Variants in C10orf67 observed in about 807,000 individuals in gnomAD.
C10orf67 encodes chromosome 10 open reading frame 67.
A neutral mutation model predicts 35.6 loss-of-function variants in C10orf67; 60 were observed. The observed-to-expected ratio is 1.68, with a 90% confidence interval of 1.37 to 2.09. The LOEUF (loss-of-function observed/expected upper bound fraction) is 2.09, where lower values mean the gene tolerates loss of function less well. Among genes scored for constraint, C10orf67 ranks in the 30% most tolerant of loss-of-function variants. The pLI, the probability that C10orf67 is intolerant of heterozygous loss-of-function variation, is 0.00. For synonymous variants in C10orf67, 167 were observed against 115.8 expected, an observed-to-expected ratio of 1.44 and a Z score of -2.84; for missense variants, 474 against 330.2, an observed-to-expected ratio of 1.44 and a Z score of -3.38.
At chr10:23,256,069 T>G (rs1842591821) in intron 10 of C10orf67, among the ~76,000 whole-genome samples, 1 of 152,222 alleles carries the variant, frequency 6.6e-6, no homozygotes, top group South Asian at 2.1e-4. Flanking sequence ...TGGCATGATC[T>G]TGGCTCACTG....
chr10:23,330,582 T>C (rs1845407587), intron 2 of C10orf67, among the ~76,000 whole-genome samples: 1 of 151,418 alleles, frequency 6.6e-6, no homozygotes, highest in Non-Finnish European at 1.5e-5. Context: ...CTACTAAAAA[T>C]ATAAAAAATT....
chr10:23,322,674 C>G, intron 2 of C10orf67, 137 bp from the exon 3 acceptor site: 1 of 588,884 alleles, frequency 1.7e-6, no homozygotes, highest in Non-Finnish European at 3.0e-6. Context: ...ACACTGGGGC[C>G]TACTTACGGT....
rs4454613 is a variant in C10orf67 at position 23,283,453 on chromosome 10, A to C, written c.910-1375T>G. Among the ~76,000 whole-genome samples the C allele has an allele frequency of 0.84, 127,678 of 152,162 alleles. 54,745 individuals carry two copies. The highest frequency in any genetic ancestry group is 0.92 in the Non-Finnish European group (62,472 of 68,012). ...GTTTCCCTGGCTTATCCAAGCAACA[A>C]CTTCACTGGACTCTGGTTCCGGGCT... On this transcript the variant is annotated intron_variant, in intron 7 of 15. Coordinates refer to ENST00000636213, the MANE Select transcript of C10orf67 (RefSeq NM_001371909.1).
intron 15 of C10orf67, among the ~76,000 whole-genome samples, chr10:23,205,230 A>G (rs1024014791): frequency 3.3e-5 from 5 of 152,188 alleles, no homozygotes. Context: ...GCCTTTTCCC[A>G]AGGTAACTTT....
intron 10 of C10orf67, among the ~76,000 whole-genome samples, chr10:23,264,045 T>C (rs577641147): frequency 3.2e-4 from 49 of 152,330 alleles, no homozygotes; most frequent in Middle Eastern, 3.4e-3. Context: ...GTTAAATGAC[T>C]GATGTACAAA....
rs544985635 is a variant in C10orf67, at chr10:23,334,721, T to G, written c.207-1539A>C. On this transcript the variant is annotated intron_variant, in intron 1 of 15. Coordinates refer to ENST00000636213, the MANE Select transcript of C10orf67 (RefSeq NM_001371909.1). ...CTGAAGAGGGAGACATTAGGAAGGG[T>G]CTGTTGGGGGCTAGTAAGAAAGGTT... Among the ~76,000 whole-genome samples, 35 of 152,054 alleles carry G rather than the reference T, an allele frequency of 2.3e-4. 1 individual carries two copies. The highest frequency in any genetic ancestry group is 2.3e-3 in the Admixed American group (35 of 15,278).
intron 13 of C10orf67, among the ~76,000 whole-genome samples, chr10:23,231,898 C>A (rs1841922443): frequency 6.6e-6 from 1 of 152,150 alleles, no homozygotes; most frequent in African/African-American, 2.4e-5. Flanking sequence ...AATCACAGAA[C>A]AATGTGTGCA....
chr10:23,293,803 CGAAA>C (rs2132266333), intron 5 of C10orf67, among the ~76,000 whole-genome samples: 1 of 152,294 alleles, frequency 6.6e-6, no homozygotes, highest in Admixed American at 6.5e-5. Context: ...AATTGAATCT[CGAAA>C]GAATCATTTT....
intron 5 of C10orf67, among the ~76,000 whole-genome samples, chr10:23,294,663 T>C (rs1431865761): frequency 6.6e-6 from 1 of 152,254 alleles, no homozygotes; most frequent in African/African-American, 2.4e-5. Context: ...TGAAGTAATT[T>C]GATAATCAGT....
chr10:23,296,781 G>C (rs966559853), intron 5 of C10orf67, among the ~76,000 whole-genome samples: 4 of 152,176 alleles, frequency 2.6e-5, no homozygotes, highest in Non-Finnish European at 5.9e-5. Flanking sequence ...TTTGATTCTG[G>C]AAGAGACAAA....
At chr10:23,250,092 C>T (rs369953426) in intron 12 of C10orf67, among the ~76,000 whole-genome samples, 10 of 152,182 alleles carry the variant, frequency 6.6e-5, no homozygotes, top group African/African-American at 2.2e-4. Context: ...CATAAAGCAA[C>T]TTTATAAAGA....
chr10:23,212,353 T>C (rs548048047), intron 15 of C10orf67, among the ~76,000 whole-genome samples: 1 of 152,294 alleles, frequency 6.6e-6, no homozygotes, highest in South Asian at 2.1e-4. Flanking sequence ...ATGGTGGCCT[T>C]AGCAAAGGAA....
intron 13 of C10orf67, among the ~76,000 whole-genome samples, chr10:23,230,631 G>C (rs1008763905): frequency 3.3e-5 from 5 of 152,010 alleles, no homozygotes; most frequent in African/African-American, 1.2e-4. Flanking sequence ...TAAACCAATA[G>C]AATCAAAAGG....
chr10:23,285,371 ATATAT>A (rs766213110), intron 7 of C10orf67, among the ~76,000 whole-genome samples: 78 of 148,538 alleles, frequency 5.3e-4, no homozygotes, highest in Admixed American at 2.2e-3. Flanking sequence ...AATTTGTTAT[ATATAT>A]TATATTATAT....
chr10:23,339,591 A>G (rs1272112790), intron 1 of C10orf67, among the ~76,000 whole-genome samples: 1 of 152,070 alleles, frequency 6.6e-6, no homozygotes, highest in East Asian at 1.9e-4. Flanking sequence ...CTCTCCCACC[A>G]TGTCTTCTCC....
chr10:23,284,715 AC>A (rs1401162455), intron 7 of C10orf67, among the ~76,000 whole-genome samples: 5 of 151,880 alleles, frequency 3.3e-5, no homozygotes, highest in African/African-American at 7.3e-5. Flanking sequence ...AAACAAACAA[AC>A]AAACAAAAAA....
In C10orf67 at chr10:23,298,495, G is replaced by A. The variant is rs561176428; in HGVS notation, c.702+4809C>T. On this transcript the variant is annotated intron_variant, in intron 5 of 15. Coordinates refer to ENST00000636213, the MANE Select transcript of C10orf67 (RefSeq NM_001371909.1). ...GCCTGGAAAGCCACTTCTGCTTCAGGTGTCCATCTTACTAAATGGGTATTG... is the reference window on the plus strand; with the variant it reads ...GCCTGGAAAGCCACTTCTGCTTCAGATGTCCATCTTACTAAATGGGTATTG... 3.8e-3 allele frequency among the ~76,000 whole-genome samples: 582 copies of A among 152,224 alleles called. 1 individual carries two copies. Among genetic ancestry groups the A allele is most frequent in the South Asian group, 7.0e-3 (34 of 4,832 alleles).
intron 13 of C10orf67, among the ~76,000 whole-genome samples, chr10:23,224,668 T>C (rs1841685268): frequency 6.6e-6 from 1 of 152,074 alleles, no homozygotes; most frequent in Non-Finnish European, 1.5e-5. Flanking sequence ...ATAACTAGTG[T>C]AGAGAAGTCC....
At chr10:23,335,468 A>G (rs1845644904) in intron 1 of C10orf67, among the ~76,000 whole-genome samples, 1 of 152,218 alleles carries the variant, frequency 6.6e-6, no homozygotes, top group Non-Finnish European at 1.5e-5. Context: ...TAGTGTGTTA[A>G]TACTTAGAAG....
Sources: gnomAD v4.1 joint callset for allele counts (sites outside exome capture counted in the v4.1 genomes callset) on GRCh38, gnomAD v4.1.1 for gene constraint, MANE v1.5 for transcripts, NCBI Gene and HGNC (gene_info 2026-07-23, HGNC 2026-07-21) for gene names.